The following CACNA1C variants were observed in gnomAD, a reference collection of about 807,000 sequenced individuals.
CACNA1C encodes the protein voltage-dependent L-type calcium channel subunit alpha-1C.
Under a neutral mutation model 229.0 loss-of-function variants are expected in CACNA1C, and 30 were observed. That is an observed-to-expected ratio of 0.13 (90% CI 0.10 to 0.18). The LOEUF is 0.18. Ranked by LOEUF, CACNA1C falls within the 10% of genes least tolerant of loss-of-function variation. CACNA1C has a pLI of 1.00. For missense variants in CACNA1C, 1,658 were observed against 2,845.0 expected (o/e 0.58, Z 9.49); for synonymous variants, 1,114 against 1,132.5 (o/e 0.98, Z 0.33).
chr12:2,453,785 G>T (rs528713339), intron 4 of CACNA1C, among the ~76,000 whole-genome samples: 4 of 152,274 alleles, frequency 2.6e-5, no homozygotes, highest in Admixed American at 1.3e-4. Flanking sequence ...TGCAAGCCAT[G>T]CAGTCTCTGT....
chr12:2,496,734 A>T (rs2099747567), intron 7 of CACNA1C, among the ~76,000 whole-genome samples: 1 of 152,256 alleles, frequency 6.6e-6, no homozygotes, highest in Non-Finnish European at 1.5e-5. Flanking sequence ...AAGCCGAGCA[A>T]TTTGCTGAAA....
Position 2,653,720 on chromosome 12 carries a change from C to T in CACNA1C, c.4075-115C>T, listed in dbSNP as rs2095252896. On this transcript the variant is annotated intron_variant, in intron 32 of 46. Coordinates refer to ENST00000399655, the MANE Select transcript of CACNA1C (RefSeq NM_000719.7). The surrounding 1 kb of genome is among the most constrained non-coding windows in gnomAD (Gnocchi z 4.7). ...TGGGACTCTTGGAAGTGTCCCCCGG[C>T]CCAAACCGGGCAATAGCTGATGGCT... 1.2e-6 allele frequency: 1 copy of T among 862,102 alleles called. No homozygotes were observed. Among genetic ancestry groups the T allele is most frequent in the Non-Finnish European group, 1.9e-6 (1 of 526,496 alleles). 53.4% of individuals were successfully genotyped at this position (862,102 alleles called of 1,614,324 possible).
chr12:2,474,737 CA>C (rs1241012134), intron 5 of CACNA1C, among the ~76,000 whole-genome samples: 2 of 104,942 alleles, frequency 1.9e-5, no homozygotes, highest in South Asian at 3.0e-4. Context: ...GCCTGGGCAA[CA>C]ACAGCGAAAC....
At chr12:2,062,994 G>A (rs769478375) in intron 1 of CACNA1C, among the ~76,000 whole-genome samples, 2 of 152,046 alleles carry the variant, frequency 1.3e-5, no homozygotes, top group Non-Finnish European at 2.9e-5. Context: ...GTATGATTCA[G>A]TGGTCTACCT....
At chr12:2,017,196 C>T (rs1169815877) in intron 1 of CACNA1C, among the ~76,000 whole-genome samples, 1 of 152,154 alleles carries the variant, frequency 6.6e-6, no homozygotes, top group Non-Finnish European at 1.5e-5. Context: ...CACCGAGGGC[C>T]TACATGAGAC....
intron 42 of CACNA1C, among the ~76,000 whole-genome samples, chr12:2,682,345 A>G (rs2097189186): frequency 6.6e-6 from 1 of 152,180 alleles, no homozygotes; most frequent in South Asian, 2.1e-4. Flanking sequence ...TGGGACCCTC[A>G]CCCTAATCTG....
intron 13 of CACNA1C, among the ~76,000 whole-genome samples, chr12:2,571,946 T>C (rs1169561349): frequency 1.3e-5 from 2 of 152,122 alleles, no homozygotes; most frequent in Non-Finnish European, 2.9e-5. Context: ...GGTCCTGCCA[T>C]CAGACAAGTG....
intron 3 of CACNA1C, among the ~76,000 whole-genome samples, chr12:2,409,224 G>A (rs1253753259): frequency 1.3e-5 from 2 of 152,212 alleles, no homozygotes; most frequent in South Asian, 2.1e-4. Context: ...CCTGGTAAAA[G>A]CAATGGGCTT....
chr12:2,143,461 A>G (rs1273268835), intron 3 of CACNA1C, among the ~76,000 whole-genome samples: 1 of 149,816 alleles, frequency 6.7e-6, no homozygotes, highest in Non-Finnish European at 1.5e-5. Flanking sequence ...TTTGTCTTTT[A>G]TAGATTATTT....
At position 2,584,651 on chromosome 12, in the gene CACNA1C, C is replaced by G. The variant is rs543035507; in HGVS notation, c.2339+34C>G. 18 of 1,396,794 alleles carry G rather than the reference C, an allele frequency of 1.3e-5. No individual in the cohort carries two copies. The Admixed American group carries it at 1.9e-4, about 15-fold the overall frequency. 86.5% of individuals were successfully genotyped at this position (1,396,794 alleles called of 1,614,324 possible). A position where few individuals can be genotyped will look rare whatever the true frequency, so the allele number is the denominator to read the frequency against. ...CTAAGCTTGCCCAGGCCTGGGGCTC[C>G]AGGGCTCCCATTGTGGAATGTCTTC... On this transcript the variant is annotated intron_variant, in intron 16 of 46. Coordinates refer to ENST00000399655, the MANE Select transcript of CACNA1C (RefSeq NM_000719.7).
intron 5 of CACNA1C, among the ~76,000 whole-genome samples, chr12:2,466,613 T>C (rs192155164): frequency 6.4e-4 from 97 of 152,272 alleles, no homozygotes; most frequent in African/African-American, 2.3e-3. Flanking sequence ...TTAATTCTGG[T>C]TGATGTGATT....
At chr12:2,192,116 C>T (rs2097257049) in intron 3 of CACNA1C, among the ~76,000 whole-genome samples, 1 of 152,094 alleles carries the variant, frequency 6.6e-6, no homozygotes, top group African/African-American at 2.4e-5. Flanking sequence ...ACACACACCC[C>T]CTCCCTCCCT....
rs76868016 is a variant in CACNA1C at position 2,566,092 on chromosome 12, T to C, written c.1509-330T>C. 1.3e-5 allele frequency among the ~76,000 whole-genome samples: 2 copies of C among 152,314 alleles called. No homozygotes were observed. Among genetic ancestry groups the C allele is most frequent in the Non-Finnish European group, 2.9e-5 (2 of 68,038 alleles). On this transcript the variant is annotated intron_variant, in intron 11 of 46. Coordinates refer to ENST00000399655, the MANE Select transcript of CACNA1C (RefSeq NM_000719.7). This position sits in a 1 kb window ranked among gnomAD's most constrained non-coding sequence, Gnocchi z 4.0. ...CAACACTATTTCTAAGAATGCTGTT[T>C]CACAAAAATTAAAAAAACTTCCATT... is the stretch of plus-strand genomic sequence containing the variant.
At chr12:2,330,015 A>G (rs1190032919) in intron 3 of CACNA1C, among the ~76,000 whole-genome samples, 1 of 152,206 alleles carries the variant, frequency 6.6e-6, no homozygotes, top group Non-Finnish European at 1.5e-5. Context: ...AACACTGGAA[A>G]CCCACTCAGT....
intron 15 of CACNA1C, 74 bp downstream of exon 15, chr12:2,583,016 C>T (rs1006864596): frequency 6.1e-6 from 7 of 1,141,842 alleles, no homozygotes; most frequent in Admixed American, 4.0e-5. Context: ...AACGGGCACG[C>T]CCCTCAGGTC....
intron 5 of CACNA1C, among the ~76,000 whole-genome samples, chr12:2,483,827 C>A (rs754270521): frequency 1.4e-4 from 21 of 152,182 alleles, no homozygotes; most frequent in Non-Finnish European, 2.9e-4. Flanking sequence ...GGCCTCTCTC[C>A]AGCCTGTTCA....
At chr12:2,625,092 G>A (rs867186922) in intron 29 of CACNA1C, among the ~76,000 whole-genome samples, 4 of 151,736 alleles carry the variant, frequency 2.6e-5, no homozygotes, top group African/African-American at 9.7e-5. Context: ...ACCTTCCCCC[G>A]CTCCCCCCGC....
chr12:2,650,703 C>A (rs949375074), intron 31 of CACNA1C, among the ~76,000 whole-genome samples: 2 of 152,142 alleles, frequency 1.3e-5, no homozygotes, highest in East Asian at 1.9e-4. Context: ...TGTGCCCAAG[C>A]CCCCAGGCTC....
At chr12:2,550,069 T>C (rs762260491) in intron 10 of CACNA1C, 36 bp downstream of exon 10, 3 of 1,384,170 alleles carry the variant, frequency 2.2e-6, no homozygotes, top group Non-Finnish European at 3.0e-6. Context: ...GCTGGGGCTT[T>C]TTCTGGAGCA....
Sources: allele counts gnomAD v4.1 joint callset (sites outside exome capture counted in the v4.1 genomes callset), GRCh38; gene constraint gnomAD v4.1.1; non-coding constraint Gnocchi (gnomAD v3.1); transcripts MANE v1.5; gene names NCBI Gene and HGNC (gene_info 2026-07-23, HGNC 2026-07-21).